The following KANK1 variants were observed in gnomAD, a reference collection of about 807,000 sequenced individuals.
KANK1 encodes KN motif and ankyrin repeat domain-containing protein 1.
In KANK1, 109 loss-of-function variants were observed where a neutral mutation model predicts 106.2. The observed-to-expected ratio is 1.03, with a 90% CI of 0.88 to 1.20. The LOEUF (loss-of-function observed/expected upper bound fraction) is 1.20. Ranked by LOEUF, KANK1 falls within the 50% of genes most tolerant of loss-of-function variation. The pLI, the probability that KANK1 is intolerant of heterozygous loss-of-function variation, is 0.00. For missense variants in KANK1, 2,399 were observed against 1,710.7 expected, an observed-to-expected ratio of 1.40 and a Z score of -7.10; for synonymous variants, 873 against 652.2, an observed-to-expected ratio of 1.34 and a Z score of -5.16.
At chr9:697,414 T>G (rs1821588975) in intron 2 of KANK1, among the ~76,000 whole-genome samples, 1 of 152,136 alleles carries the variant, frequency 6.6e-6, no homozygotes, top group East Asian at 1.9e-4. Context: ...AGAAAAGAGC[T>G]TTTAGGCTTT....
At chr9:507,029 A>T (rs1393274277) in intron 1 of KANK1, among the ~76,000 whole-genome samples, 1 of 152,198 alleles carries the variant, frequency 6.6e-6, no homozygotes, top group African/African-American at 2.4e-5. Context: ...AAATTATGCA[A>T]CATCCACTAC....
intron 1 of KANK1, among the ~76,000 whole-genome samples, chr9:667,264 C>G (rs1844851109): frequency 6.6e-6 from 1 of 151,792 alleles, no homozygotes; most frequent in Non-Finnish European, 1.5e-5. Flanking sequence ...CCTATGGTCT[C>G]TGTTGTTTTG....
chr9:608,163 G>C lies in KANK1; in HGVS notation c.-83-68727G>C, dbSNP rs534903783. Among the ~76,000 whole-genome samples the C allele has an allele frequency of 9.0e-4, 134 of 148,324 alleles. 2 individuals are homozygous for C. The highest frequency in any genetic ancestry group is 1.6e-3 in the Non-Finnish European group (105 of 67,312). ...CGCCATTCTCCTGCCTCAGCCTCCCGAGTAGCTGGGACTACAGGCGCCCGC... is the reference window on the plus strand; with the variant it reads ...CGCCATTCTCCTGCCTCAGCCTCCCCAGTAGCTGGGACTACAGGCGCCCGC... On this transcript the variant is annotated intron_variant, in intron 1 of 11. Transcript: ENST00000382297.
chr9:628,345 C>G (rs1467657348), intron 1 of KANK1, among the ~76,000 whole-genome samples: 1 of 152,224 alleles, frequency 6.6e-6, no homozygotes, highest in Non-Finnish European at 1.5e-5. Flanking sequence ...GTCTTGCCTT[C>G]TTCCTAACTT....
chr9:727,880 A>C (rs898358466), intron 3 of KANK1, among the ~76,000 whole-genome samples: 3 of 152,210 alleles, frequency 2.0e-5, no homozygotes, highest in Non-Finnish European at 4.4e-5. Flanking sequence ...TAAGCCCCCT[A>C]ACCAACGGAA....
At chr9:687,035 C>CTTTTG (rs1554682641) in intron 2 of KANK1, 3 of 626,040 alleles carry the variant, frequency 4.8e-6, no homozygotes, top group Admixed American at 6.4e-5. Flanking sequence ...CTTTTCTTTT[C>CTTTTG]TTTTTTTTTA....
chr9:618,347 A>G (rs916984624), intron 1 of KANK1, among the ~76,000 whole-genome samples: 2 of 152,074 alleles, frequency 1.3e-5, no homozygotes, highest in East Asian at 3.9e-4. Flanking sequence ...AGCTGGGACT[A>G]CAGGCACACG....
intron 1 of KANK1, among the ~76,000 whole-genome samples, chr9:607,195 C>T (rs1283125960): frequency 6.6e-6 from 1 of 151,660 alleles, no homozygotes; most frequent in Non-Finnish European, 1.5e-5. Flanking sequence ...CACTTGAAAG[C>T]AGATGGTTAG....
upstream of KANK1, among the ~76,000 whole-genome samples, chr9:500,326 T>A (rs1403797252): frequency 6.6e-6 from 1 of 152,152 alleles, no homozygotes; most frequent in Non-Finnish European, 1.5e-5. Flanking sequence ...CTGAAAGAGA[T>A]CCCATAGATA....
rs775430063 is a variant in KANK1 at position 742,248 on chromosome 9, T to C, written c.3740T>C (p.Ile1247Thr). The C allele has an allele frequency of 1.9e-6, 3 of 1,614,168 alleles. No homozygotes were observed. Among genetic ancestry groups the C allele is most frequent in the East Asian group, 2.2e-5 (1 of 44,880 alleles). ...ALMLAVSHGR[I>T]DMVKGLLACG... ...ATGCTGGCGGTCAGTCACGGACGGA[T>C]AGACATGGTGAAGGGCCTTCTGGCC... The change falls in exon 10 of 12, where the codon ATA becomes ACA. Residue 1247 changes from isoleucine to threonine, a missense_variant. Coordinates refer to ENST00000382297, the MANE Select transcript of KANK1 (RefSeq NM_015158.5).
intron 1 of KANK1, among the ~76,000 whole-genome samples, chr9:601,037 A>C (rs908683558): frequency 6.6e-6 from 1 of 151,734 alleles, no homozygotes; most frequent in Non-Finnish European, 1.5e-5. Flanking sequence ...TAAAATGCCC[A>C]AAGAAAAGAA....
At chr9:538,330 C>G (rs1176414163) in intron 1 of KANK1, among the ~76,000 whole-genome samples, 1 of 152,082 alleles carries the variant, frequency 6.6e-6, no homozygotes, top group East Asian at 1.9e-4. Flanking sequence ...ATCTCAGGGC[C>G]CTGTTTTTTT....
At chr9:487,932 A>G (rs2132260535) in intron 3 of KANK1, 1 of 152,310 alleles carries the variant, frequency 6.6e-6, no homozygotes, top group East Asian at 1.9e-4. Flanking sequence ...AAATTCTTGT[A>G]GAATTTCTGC....
Position 494,427 on chromosome 9 carries a change from C to T in KANK1, c.-362+21154C>T, listed in dbSNP as rs185834841. On this transcript the variant is annotated intron_variant, in intron 3 of 15. Coordinates refer to the KANK1 transcript ENST00000382303. ...TATACTGGCGGTATAGAATTCTCCC[C>T]TGTTACTGTGTAACCACGCTACCTC... Among the ~76,000 whole-genome samples, 14 of 150,580 alleles carry T rather than the reference C, an allele frequency of 9.3e-5. No homozygotes were observed. In the East Asian group the frequency reaches 2.5e-3, roughly 27 times the overall value.
At chr9:593,005 G>A (rs1825345793) in intron 1 of KANK1, among the ~76,000 whole-genome samples, 1 of 151,826 alleles carries the variant, frequency 6.6e-6, no homozygotes. Flanking sequence ...TAAGAAGAAA[G>A]AAGACATCAT....
rs768663564 is a variant in KANK1, at chr9:712,616, A to G, written c.1850A>G (p.Lys617Arg). 1 of 1,614,096 alleles carries G rather than the reference A, an allele frequency of 6.2e-7. No homozygotes were observed. Among genetic ancestry groups the G allele is most frequent in the Non-Finnish European group, 8.5e-7 (1 of 1,180,042 alleles). The change falls in exon 3 of 12, where the codon AAG (lysine) becomes AGG (arginine). Residue 617 changes from lysine (K) to arginine (R), a missense_variant. Coordinates refer to ENST00000382297, the MANE Select transcript of KANK1 (RefSeq NM_015158.5). ...TCTGTGAACGACCTCACACTCCTCA[A>G]GACAAACTTGAATCTCAAAGAAGTG... The part of the protein sequence containing the change: ...EESVNDLTLL[K>R]TNLNLKEVRS...
intron 1 of KANK1, among the ~76,000 whole-genome samples, chr9:506,943 C>G (rs376590974): frequency 6.6e-6 from 1 of 152,152 alleles, no homozygotes; most frequent in Non-Finnish European, 1.5e-5. Context: ...AAGTTGGACA[C>G]TTCACTCGGG....
At chr9:538,795 A>G (rs909956475) in intron 1 of KANK1, among the ~76,000 whole-genome samples, 1 of 152,248 alleles carries the variant, frequency 6.6e-6, no homozygotes, top group African/African-American at 2.4e-5. Context: ...TATAAGGGAC[A>G]ACATATTTGT....
chr9:492,599 T>G (rs1324247996), intron 3 of KANK1, among the ~76,000 whole-genome samples: 5 of 152,168 alleles, frequency 3.3e-5, no homozygotes, highest in Non-Finnish European at 7.3e-5. Context: ...TAGAAAGTAC[T>G]AAGTAAATAT....
Sources: allele counts gnomAD v4.1 joint callset (sites outside exome capture counted in the v4.1 genomes callset), GRCh38; gene constraint gnomAD v4.1.1; transcripts MANE v1.5; gene names NCBI Gene and HGNC (gene_info 2026-07-23, HGNC 2026-07-21).